KMT2D: variants seen among roughly 807,000 people sequenced by gnomAD.
KMT2D encodes histone-lysine N-methyltransferase 2D.
KMT2D carries 55 observed loss-of-function variants against 512.7 expected under a neutral mutation model. The observed-to-expected ratio is 0.11, with a 90% CI of 0.09 to 0.13. KMT2D has a LOEUF of 0.13. KMT2D is among the 10% of genes least tolerant of loss of function. The pLI, the probability that KMT2D is intolerant of heterozygous loss-of-function variation, is 1.00. For synonymous variants in KMT2D, 2,995 were observed against 2,904.0 expected, an observed-to-expected ratio of 1.03 and a Z score of -1.01; for missense variants, 6,061 against 7,127.9, an observed-to-expected ratio of 0.85 and a Z score of 5.39.
chr12:49,027,660 G>T, intron 48 of KMT2D, 143 bp downstream of exon 48: 1 of 1,039,454 alleles, frequency 9.6e-7, no homozygotes, highest in Non-Finnish European at 1.4e-6. Flanking sequence ...TCGCCATGTT[G>T]GCCAGGCTGG....
rs2120484633 is a variant in KMT2D, at chr12:49,037,712, A to G, written c.9644T>C (p.Leu3215Pro). Residue 3215 changes from leucine to proline, a missense_variant, in exon 35 of 55, where the codon CTC (leucine) becomes CCC (proline). Transcript: ENST00000301067. ...AGGCAAGGTCAAAGCCCCACTCTCG[A>G]GCTCAAACTTTTCCAGCAGGGAGGA... ...GGSSLLEKFE[L>P]ESGALTLPGG... 6.3e-7 allele frequency: 1 copy of G among 1,586,958 alleles called. No homozygotes were observed. The highest frequency in any genetic ancestry group is 8.6e-7 in the Non-Finnish European group (1 of 1,166,570).
Position 49,024,520 on chromosome 12 carries a change from A to G in KMT2D, c.16052+58T>C. The stretch of plus-strand genomic sequence containing the variant: ...TATCCTAAATCCTCATAATGGGACC[A>G]GAGGATCCCTGTCAACACCCACACC... On this transcript the variant is annotated intron_variant, in intron 51 of 54. Transcript: ENST00000301067. This position sits in a 1 kb window ranked among gnomAD's most constrained non-coding sequence, Gnocchi z 4.5. 1 of 1,545,178 alleles carries G rather than the reference A, an allele frequency of 6.5e-7. No individual in the cohort carries two copies. Among genetic ancestry groups the G allele is most frequent in the South Asian group, 1.2e-5 (1 of 80,204 alleles).
chr12:49,053,698 A>C, intron 6 of KMT2D, 57 bp from the exon 7 acceptor site: 4 of 1,521,376 alleles, frequency 2.6e-6, no homozygotes, highest in Non-Finnish European at 3.5e-6. Context: ...GCCTCAGCAC[A>C]TTGCTGTACA....
At position 49,034,289 on chromosome 12, in the gene KMT2D, G is replaced by A. The variant is rs1231137777; in HGVS notation, c.10518C>T (p.Asp3506=). The A allele has an allele frequency of 1.2e-6, 2 of 1,612,614 alleles. No homozygotes were observed. Among genetic ancestry groups the A allele is most frequent in the Non-Finnish European group, 1.7e-6 (2 of 1,178,912 alleles). The part of the protein sequence containing the change: ...TFAQGVINEA[D]QRQYEEWLFH... Reference sequence around the variant, plus strand: ...ACAGCCACTCCTCATACTGCCGCTGGTCAGCTTCATCTGGGAAAAGAAGCT... The same window carrying A: ...ACAGCCACTCCTCATACTGCCGCTGATCAGCTTCATCTGGGAAAAGAAGCT... The change falls in exon 39 of 55, where the codon GAC becomes GAT. Residue 3506 remains aspartate, a synonymous_variant. Coordinates refer to ENST00000301067, the MANE Select transcript of KMT2D (RefSeq NM_003482.4).
chr12:49,039,546 T>G lies in KMT2D; in HGVS notation c.8118A>C (p.Thr2706=). The part of the protein sequence containing the change: ...QRNTLRQEKE[T]AAAAAGAVGP... ...CCACTGCTCCTGCAGCTGCTGCAGC[T>G]GTTTCCTTCTCCTGCCGCAGGGTGT... The change falls in exon 33 of 55, where the codon ACA becomes ACC. Residue 2706 remains threonine (T), a synonymous_variant. Transcript: ENST00000301067. This position sits in a 1 kb window ranked among gnomAD's most constrained non-coding sequence, Gnocchi z 5.0. 6.2e-7 allele frequency: 1 copy of G among 1,612,222 alleles called. No individual in the cohort carries two copies. Among genetic ancestry groups the G allele is most frequent in the Non-Finnish European group, 8.5e-7 (1 of 1,179,566 alleles).
Position 49,042,910 on chromosome 12 carries a change from G to C in KMT2D, c.5645-32C>G. ...GGGAATGAAGGACACTGTTGAGGAA[G>C]ACTGGGAAGTTCAGGTGACACCACA... On this transcript the variant is annotated intron_variant, in intron 26 of 54. Transcript: ENST00000301067. This position sits in a 1 kb window ranked among gnomAD's most constrained non-coding sequence, Gnocchi z 4.4. 1 of 1,612,898 alleles carries C rather than the reference G, an allele frequency of 6.2e-7. No individual in the cohort carries two copies. Among genetic ancestry groups the C allele is most frequent in the Non-Finnish European group, 8.5e-7 (1 of 1,179,192 alleles).
Position 49,037,864 on chromosome 12 carries a change from C to A in KMT2D, c.9492G>T (p.Arg3164=), listed in dbSNP as rs1381686862. 9 of 1,596,192 alleles carry A rather than the reference C, an allele frequency of 5.6e-6. No individual in the cohort carries two copies. The highest frequency in any genetic ancestry group is 6.8e-6 in the Non-Finnish European group (8 of 1,171,546). ...LKPGQSMMGS[R]DTRMGTGPFS... ...ATGGCCCTGTGCCCATCCGGGTATC[C>A]CGGCTGCCCATCATGCTCTGTCCTG... Residue 3164 remains arginine (R), a synonymous_variant, in exon 35 of 55, where the codon CGG becomes CGT. Transcript: ENST00000301067.
rs1167960333 is a variant in KMT2D at position 49,042,883 on chromosome 12, G to A, written c.5645-5C>T. 3 of 1,613,702 alleles carry A rather than the reference G, an allele frequency of 1.9e-6. No homozygotes were observed. Among genetic ancestry groups the A allele is most frequent in the Non-Finnish European group, 2.5e-6 (3 of 1,179,738 alleles). ...TGGATTCCATCTTGGGCAGTTCTGT[G>A]GGGGAATGAAGGACACTGTTGAGGA... On this transcript the variant is annotated splice_region_variant and splice_polypyrimidine_tract_variant and intron_variant, in intron 26 of 54. Transcript: ENST00000301067. The surrounding 1 kb of genome is among the most constrained non-coding windows in gnomAD (Gnocchi z 4.4).
At position 49,050,924 on chromosome 12, in the gene KMT2D, G is replaced by A. The variant is rs1341791011; in HGVS notation, c.2759C>T (p.Ser920Phe). ...CTGAGGCGACAAGGATGGCTCCCCA[G>A]ATGGGGACAACGGCAGCTCCTCGGG... ...PLPEELPLSP[S>F]GEPSLSPQLM... The change falls in exon 11 of 55, where the codon TCT becomes TTT. Residue 920 changes from serine (S) to phenylalanine (F), a missense_variant. Around this residue, in one of 16 missense-constraint regions of KMT2D, gnomAD observed 848 missense variants for 838.5 expected, o/e 1.01. Transcript: ENST00000301067. 2 of 1,539,256 alleles carry A rather than the reference G, an allele frequency of 1.3e-6. No homozygotes were observed. The highest frequency in any genetic ancestry group is 1.3e-5 in the South Asian group (1 of 78,794).
At position 49,042,338 on chromosome 12, in the gene KMT2D, G is replaced by A. The variant is rs75783546; in HGVS notation, c.5868-8C>T. ...AAGAAGCCCCCGCGCTCCCTGGGGC[G>A]CAGGGGCAGAGAGTCACAGGGCGCA... On this transcript the variant is annotated splice_polypyrimidine_tract_variant and splice_region_variant and intron_variant, in intron 28 of 54. Coordinates refer to ENST00000301067, the MANE Select transcript of KMT2D (RefSeq NM_003482.4). The surrounding 1 kb of genome is among the most constrained non-coding windows in gnomAD (Gnocchi z 4.4). 2,709 of 1,518,610 alleles carry A rather than the reference G, an allele frequency of 1.8e-3. 42 individuals carry two copies. The African/African-American group carries it at 0.03, about 17-fold the overall frequency. The allele number at this position is 1,518,610 out of a possible 1,614,324, so 94.1% of individuals were successfully genotyped here. A position where few individuals can be genotyped will look rare whatever the true frequency, so the allele number is the denominator to read the frequency against.
chr12:49,036,029 G>T (rs1489783846), intron 35 of KMT2D: 1 of 152,176 alleles, frequency 6.6e-6, no homozygotes, highest in South Asian at 2.1e-4. Flanking sequence ...TGTAATCAAA[G>T]ATAATAACAA....
In KMT2D at chr12:49,031,579, G is replaced by A. The variant is rs2120421444; in HGVS notation, c.13126C>T (p.Pro4376Ser). Residue 4376 changes from proline (P) to serine (S), a missense_variant, in exon 40 of 55, where the codon CCT becomes TCT. Pro to Ser is a moderately conservative substitution (Grantham distance 74). Coordinates refer to ENST00000301067, the MANE Select transcript of KMT2D (RefSeq NM_003482.4). ...GCTAGGTTGTCTGGGGGATCCCAAG[G>A]TCCCAGACCCTTGCTAAACAAGGTA... is the stretch of plus-strand genomic sequence containing the variant. ...ADTLFSKGLG[P>S]WDPPDNLAET... 6.2e-7 allele frequency: 1 copy of A among 1,600,192 alleles called. No homozygotes were observed. The highest frequency in any genetic ancestry group is 1.3e-5 in the African/African-American group (1 of 74,820).
chr12:49,031,364 G>A lies in KMT2D; in HGVS notation c.13341C>T (p.Asn4447=). The A allele has an allele frequency of 6.2e-7, 1 of 1,613,640 alleles. No individual in the cohort carries two copies. The highest frequency in any genetic ancestry group is 8.5e-7 in the Non-Finnish European group (1 of 1,179,898). ...GEPIGAPGTS[N]HLLLAGPRSE... ...AGCGAGGGCCTGCCAGCAGGAGGTG[G>A]TTGCTGGTTCCTGGTGCCCCTATTG... The change falls in exon 40 of 55, where the codon AAC becomes AAT. Residue 4447 remains asparagine, a synonymous_variant. Coordinates refer to ENST00000301067, the MANE Select transcript of KMT2D (RefSeq NM_003482.4).
chr12:49,028,218 G>A (rs1942710244), intron 46 of KMT2D, 77 bp from the exon 47 acceptor site: 2 of 1,578,122 alleles, frequency 1.3e-6, no homozygotes, highest in African/African-American at 2.7e-5. Flanking sequence ...AGCTGGGTGG[G>A]GACAAGGACA....
intron 48 of KMT2D, among the ~76,000 whole-genome samples, chr12:49,027,565 T>C (rs77613776): frequency 8.9e-4 from 136 of 152,256 alleles, no homozygotes; most frequent in African/African-American, 3.2e-3. Context: ...TTCTCATGCC[T>C]CAGCCTTTCG....
intron 12 of KMT2D, 140 bp downstream of exon 12, chr12:49,049,542 A>G (rs1463147209): frequency 5.2e-6 from 5 of 959,340 alleles, no homozygotes; most frequent in South Asian, 4.1e-5. Context: ...ACGTATTAGT[A>G]TTTTCTCCTT....
intron 49 of KMT2D, 100 bp from the exon 50 acceptor site, chr12:49,025,046 A>G (rs2137712664): frequency 7.6e-7 from 1 of 1,322,466 alleles, no homozygotes; most frequent in Non-Finnish European, 1.0e-6. Flanking sequence ...GAGGCCTTCA[A>G]GCCTCCCTAT....
chr12:49,045,983 C>A lies in KMT2D; in HGVS notation c.4694-16G>T, dbSNP rs1943765414. On this transcript the variant is annotated splice_polypyrimidine_tract_variant and intron_variant, in intron 18 of 54. Coordinates refer to ENST00000301067, the MANE Select transcript of KMT2D (RefSeq NM_003482.4). ...GCAACAGGCGCTATGGAGAGAAGGA[C>A]AAACGGAGGTGGCTGAGGTCCTGTC... 6.2e-7 allele frequency: 1 copy of A among 1,613,940 alleles called. No individual in the cohort carries two copies. The highest frequency in any genetic ancestry group is 2.2e-5 in the East Asian group (1 of 44,882).
At position 49,039,909 on chromosome 12, in the gene KMT2D, G is replaced by T. The variant is rs760061103; in HGVS notation, c.7861C>A (p.Pro2621Thr). Reference sequence around the variant, plus strand: ...GACAGGTAGGGGAGGGATCCGTCGGGTGCAGGTGGTGGCAGAACCGACGGA... The same window carrying T: ...GACAGGTAGGGGAGGGATCCGTCGGTTGCAGGTGGTGGCAGAACCGACGGA... ...RPPSVLPPPA[P>T]DGSLPYLSHG... is the part of the protein sequence containing the mutation. The change falls in exon 32 of 55, where the codon CCC (proline) becomes ACC (threonine). Residue 2621 changes from proline to threonine, a missense_variant. By Grantham distance (38) the Pro-to-Thr change is conservative. Transcript: ENST00000301067. This position sits in a 1 kb window ranked among gnomAD's most constrained non-coding sequence, Gnocchi z 5.0. The T allele has an allele frequency of 6.2e-7, 1 of 1,613,918 alleles. No homozygotes were observed. Among genetic ancestry groups the T allele is most frequent in the Non-Finnish European group, 8.5e-7 (1 of 1,179,906 alleles).
Sources: allele counts gnomAD v4.1 joint callset (sites outside exome capture counted in the v4.1 genomes callset), GRCh38; gene constraint gnomAD v4.1.1; regional missense constraint gnomAD v4.1.1; non-coding constraint Gnocchi (gnomAD v3.1); transcripts MANE v1.5; gene names NCBI Gene and HGNC (gene_info 2026-07-23, HGNC 2026-07-21).